Variants in TUT4 observed in about 807,000 individuals in gnomAD.
TUT4 encodes the protein terminal uridylyl transferase 4, also known as terminal uridylyltransferase 4.
A neutral mutation model predicts 192.2 loss-of-function variants in TUT4; 36 were observed. That is an observed-to-expected ratio of 0.19 (90% CI 0.14 to 0.25). The LOEUF (loss-of-function observed/expected upper bound fraction) is 0.25. TUT4 is among the 10% of genes least tolerant of loss of function. The pLI, the probability that TUT4 is intolerant of heterozygous loss-of-function variation, is 1.00. For synonymous variants in TUT4, 618 were observed against 666.0 expected (o/e 0.93, Z 1.11); for missense variants, 1,493 against 1,957.2 (o/e 0.76, Z 4.47).
At chr1:52,520,226 T>G (rs1033098860) in intron 2 of TUT4, among the ~76,000 whole-genome samples, 1 of 151,784 alleles carries the variant, frequency 6.6e-6, no homozygotes. Flanking sequence ...AATAGGGGAG[T>G]GTCACAGATC....
chr1:52,524,248 T>C (rs1681084271), intron 2 of TUT4, among the ~76,000 whole-genome samples: 1 of 152,148 alleles, frequency 6.6e-6, no homozygotes, highest in Non-Finnish European at 1.5e-5. Context: ...TTAAAACTCT[T>C]CCAAAGGCCG....
chr1:52,474,289 G>C (rs971281299), intron 13 of TUT4, among the ~76,000 whole-genome samples: 1 of 152,116 alleles, frequency 6.6e-6, no homozygotes, highest in Non-Finnish European at 1.5e-5. Context: ...ATTCATATAG[G>C]ATAAGCCGAA....
intron 15 of TUT4, among the ~76,000 whole-genome samples, chr1:52,466,701 G>A (rs1389848615): frequency 2.1e-5 from 3 of 140,250 alleles, no homozygotes; most frequent in African/African-American, 8.5e-5. Flanking sequence ...ACAGAGTTTC[G>A]CTCTTGTCGC....
intron 14 of TUT4, among the ~76,000 whole-genome samples, chr1:52,469,018 G>T (rs977103726): frequency 6.7e-6 from 1 of 148,600 alleles, no homozygotes; most frequent in African/African-American, 2.6e-5. Context: ...GCAGTTATCA[G>T]TGCTTACAGA....
rs1425630247 is a variant in TUT4, at chr1:52,461,196, T to C, written c.3259A>G (p.Thr1087Ala). 1 of 1,607,990 alleles carries C rather than the reference T, an allele frequency of 6.2e-7. No individual in the cohort carries two copies. The highest frequency in any genetic ancestry group is 8.5e-7 in the Non-Finnish European group (1 of 1,177,002). Residue 1087 changes from threonine to alanine, a missense_variant, in exon 19 of 30, where the codon ACT becomes GCT. By Grantham distance (58) the Thr-to-Ala change is moderately conservative (BLOSUM62 0). Coordinates refer to ENST00000257177, the MANE Select transcript of TUT4 (RefSeq NM_001009881.3). ...ACTCTAGGATCAATAGCTGCATAAG[T>C]AGCTAGCATTCTTGTGTTATGTTGA... Reference protein sequence around the residue: ...LAQHNTRMLATYAAIDPRVQY... With the variant: ...LAQHNTRMLAAYAAIDPRVQY...
chr1:52,525,514 T>A, intron 2 of TUT4, 49 bp downstream of exon 2: 1 of 1,544,394 alleles, frequency 6.5e-7, no homozygotes, highest in Non-Finnish European at 8.7e-7. Context: ...AAACCGGGGA[T>A]AATCTAAAGA....
At chr1:52,447,135 T>C (rs1214173785) in intron 20 of TUT4, among the ~76,000 whole-genome samples, 1 of 152,074 alleles carries the variant, frequency 6.6e-6, no homozygotes, top group Non-Finnish European at 1.5e-5. Flanking sequence ...TAAAAAGCAA[T>C]TGGACTATCA....
chr1:52,503,902 A>G (rs1311491059), intron 4 of TUT4, among the ~76,000 whole-genome samples: 1 of 152,064 alleles, frequency 6.6e-6, no homozygotes, highest in Non-Finnish European at 1.5e-5. Context: ...TTCTGTCCTT[A>G]CTCATTTGGT....
In TUT4 at chr1:52,497,049, T is replaced by C; in HGVS notation, c.1134A>G (p.Glu378=). Residue 378 remains glutamate (E), a synonymous_variant, in exon 5 of 30, where the codon GAA becomes GAG. Transcript: ENST00000257177. The part of the protein sequence containing the change: ...ITDDDLRVRQ[E]IVEEMSKVIT... Reference sequence around the variant, plus strand: ...TAACCTTTGACATTTCCTCCACAATTTCCTGACGGACTCTGAGGTCATCAT... The same window carrying C: ...TAACCTTTGACATTTCCTCCACAATCTCCTGACGGACTCTGAGGTCATCAT... 2.5e-6 allele frequency: 4 copies of C among 1,613,846 alleles called. No individual in the cohort carries two copies.
intron 7 of TUT4, among the ~76,000 whole-genome samples, chr1:52,492,648 C>T (rs1442087036): frequency 6.6e-6 from 1 of 152,210 alleles, no homozygotes; most frequent in Admixed American, 6.5e-5. Context: ...CTCCAGCTCC[C>T]AAGCTTAATC....
intron 9 of TUT4, among the ~76,000 whole-genome samples, chr1:52,482,488 G>A (rs1165447040): frequency 6.6e-6 from 1 of 152,180 alleles, no homozygotes; most frequent in Non-Finnish European, 1.5e-5. Flanking sequence ...AGCCCAGGGT[G>A]AAGTGCAGTG....
chr1:52,454,067 C>T (rs752181587), intron 20 of TUT4, among the ~76,000 whole-genome samples: 3 of 152,118 alleles, frequency 2.0e-5, no homozygotes, highest in Non-Finnish European at 4.4e-5. Flanking sequence ...CTCTGATGAG[C>T]AAAATCAAAG....
At chr1:52,540,208 G>A (rs1388307891) in intron 1 of TUT4, among the ~76,000 whole-genome samples, 1 of 130,970 alleles carries the variant, frequency 7.6e-6, no homozygotes, top group Non-Finnish European at 1.6e-5. Flanking sequence ...GACAGAGCGA[G>A]ACTCTGTCTC....
At chr1:52,498,716 G>A (rs940637987) in intron 4 of TUT4, among the ~76,000 whole-genome samples, 5 of 150,362 alleles carry the variant, frequency 3.3e-5, no homozygotes, top group South Asian at 2.1e-4. Flanking sequence ...GTGTAACCCC[G>A]TCTCTAATAG....
intron 28 of TUT4, among the ~76,000 whole-genome samples, chr1:52,429,940 A>ATGTG (rs151084510): frequency 6.6e-6 from 1 of 151,044 alleles, no homozygotes; most frequent in African/African-American, 2.4e-5. Context: ...GTGTGTATAT[A>ATGTG]TGTGTGTGTG....
intron 27 of TUT4, 96 bp from the exon 28 acceptor site, chr1:52,431,556 A>G (rs1652073499): frequency 9.7e-7 from 1 of 1,031,306 alleles, no homozygotes; most frequent in Non-Finnish European, 1.3e-6. Context: ...TTTATAAAAC[A>G]GAACTCTATG....
chr1:52,431,322 G>A lies in TUT4; in HGVS notation c.4402C>T (p.His1468Tyr). Residue 1468 changes from histidine to tyrosine, a missense_variant, in exon 28 of 30, where the codon CAT becomes TAT. By Grantham distance (83) the His-to-Tyr change is moderately conservative (BLOSUM62 2). Around this residue, in one of 7 missense-constraint regions of TUT4, gnomAD observed 351 missense variants for 397.8 expected, o/e 0.88. Transcript: ENST00000257177. ...TTATACAGTGGCATCTGGACCTGAT[G>A]GGGAGGTTGGGCTCCCTGCTGAGGT... The part of the protein sequence containing the change: ...GPPQQGAQPP[H>Y]QVQMPLYNFP... The A allele has an allele frequency of 3.7e-6, 6 of 1,614,182 alleles. No individual in the cohort carries two copies. The highest frequency in any genetic ancestry group is 5.1e-6 in the Non-Finnish European group (6 of 1,180,038).
rs536294197 is a variant in TUT4 at position 52,495,335 on chromosome 1, T to C, written c.1266+92A>G. On this transcript the variant is annotated intron_variant, in intron 6 of 29. Transcript: ENST00000257177. ...TGGTAACACTATACAAACCAGAGTTTTATATTTCCCTATCCTTTCTCTACA... is the reference window on the plus strand; with the variant it reads ...TGGTAACACTATACAAACCAGAGTTCTATATTTCCCTATCCTTTCTCTACA... 6.4e-4 allele frequency: 484 copies of C among 753,012 alleles called. 9 individuals are homozygous for C. The Middle Eastern group carries it at 7.8e-3, about 12-fold the overall frequency. 46.6% of individuals were successfully genotyped at this position (753,012 alleles called of 1,614,324 possible). A position where few individuals can be genotyped will look rare whatever the true frequency, so the allele number is the denominator to read the frequency against.
chr1:52,441,330 C>G (rs1655465444), intron 24 of TUT4, among the ~76,000 whole-genome samples: 3 of 146,384 alleles, frequency 2.0e-5, no homozygotes, highest in Admixed American at 1.4e-4. Context: ...GTTGCCCAGG[C>G]TGGAGTGCAG....
Sources: gnomAD v4.1 joint callset for allele counts (sites outside exome capture counted in the v4.1 genomes callset) on GRCh38, gnomAD v4.1.1 for gene constraint, gnomAD v4.1.1 regional missense constraint, MANE v1.5 for transcripts, NCBI Gene and HGNC (gene_info 2026-07-23, HGNC 2026-07-21) for gene names.